Variants in MAP3K5 observed in about 807,000 individuals in gnomAD.
MAP3K5 encodes mitogen-activated protein kinase kinase kinase 5, also known as ASK-1.
In MAP3K5, 56 loss-of-function variants were observed where a neutral mutation model predicts 158.7. The observed-to-expected ratio is 0.35, with a 90% confidence interval of 0.28 to 0.44. The LOEUF (loss-of-function observed/expected upper bound fraction) is 0.44. Among genes scored for constraint, MAP3K5 ranks in the 20% least tolerant of loss-of-function variants. The pLI is 1.00. For missense variants in MAP3K5, 1,294 were observed against 1,674.8 expected, an observed-to-expected ratio of 0.77 and a Z score of 3.97; for synonymous variants, 579 against 601.7, an observed-to-expected ratio of 0.96 and a Z score of 0.55.
At chr6:136,710,148 T>C (rs1781248128) in intron 2 of MAP3K5, among the ~76,000 whole-genome samples, 1 of 152,190 alleles carries the variant, frequency 6.6e-6, no homozygotes, top group East Asian at 1.9e-4. Flanking sequence ...AATAAGACCT[T>C]GAAAGGTATC....
At chr6:136,587,320 T>C (rs757866846) in intron 23 of MAP3K5, among the ~76,000 whole-genome samples, 2 of 152,172 alleles carry the variant, frequency 1.3e-5, no homozygotes, top group Non-Finnish European at 2.9e-5. Context: ...ATTAAAGATA[T>C]TAGATAACTA....
intron 8 of MAP3K5, among the ~76,000 whole-genome samples, chr6:136,662,133 G>A (rs1384205800): frequency 1.3e-5 from 2 of 152,150 alleles, no homozygotes; most frequent in South Asian, 2.1e-4. Context: ...AGTTCTAAAC[G>A]TGGATTTGTT....
In MAP3K5 at chr6:136,791,732, C is replaced by T. The variant is rs1359366199; in HGVS notation, c.426G>A (p.Val142=). ...CACCTGCATTGTAAAAGCGGTCCAG[C>T]ACGGTGGTTTCTCCAAAGTCGAGTT... The part of the protein sequence containing the change: ...FGKLDFGETT[V]LDRFYNADIA... The change falls in exon 1 of 30, where the codon GTG becomes GTA. Residue 142 remains valine (V), a synonymous_variant. Transcript: ENST00000359015. 4 of 1,613,210 alleles carry T rather than the reference C, an allele frequency of 2.5e-6. No homozygotes were observed. Among genetic ancestry groups the T allele is most frequent in the East Asian group, 4.5e-5 (2 of 44,880 alleles).
intron 3 of MAP3K5, 107 bp from the exon 4 acceptor site, chr6:136,698,789 T>C (rs561236364): frequency 4.1e-6 from 3 of 731,094 alleles, no homozygotes; most frequent in East Asian, 2.7e-5. Context: ...CAAAGGGAAA[T>C]AGAAAAGCCT....
intron 1 of MAP3K5, among the ~76,000 whole-genome samples, chr6:136,772,965 C>T (rs1200148628): frequency 6.6e-6 from 1 of 152,122 alleles, no homozygotes; most frequent in Non-Finnish European, 1.5e-5. Context: ...TGGGTTCAAG[C>T]CAGTCAAGAA....
At chr6:136,752,898 C>G (rs1055938180) in intron 1 of MAP3K5, among the ~76,000 whole-genome samples, 10 of 152,218 alleles carry the variant, frequency 6.6e-5, no homozygotes, top group African/African-American at 2.2e-4. Flanking sequence ...AAGGCAGACT[C>G]TGCTCCCTCT....
intron 11 of MAP3K5, among the ~76,000 whole-genome samples, chr6:136,642,770 G>A (rs1778045621): frequency 6.6e-6 from 1 of 152,062 alleles, no homozygotes; most frequent in Non-Finnish European, 1.5e-5. Context: ...AATAATTCCT[G>A]TACTTCAATA....
At chr6:136,643,574 A>T (rs1285194986) in intron 11 of MAP3K5, among the ~76,000 whole-genome samples, 1 of 152,196 alleles carries the variant, frequency 6.6e-6, no homozygotes, top group Non-Finnish European at 1.5e-5. Flanking sequence ...GGCTAAAGCA[A>T]CTCAAAAGCG....
intron 7 of MAP3K5, among the ~76,000 whole-genome samples, chr6:136,670,402 T>G (rs1395645082): frequency 1.3e-5 from 2 of 151,748 alleles, no homozygotes; most frequent in Non-Finnish European, 2.9e-5. Flanking sequence ...GCATGAAAAA[T>G]GAAACTTTTA....
At chr6:136,628,473 G>A (rs115089272) in intron 14 of MAP3K5, among the ~76,000 whole-genome samples, 1,671 of 151,922 alleles carry the variant, frequency 0.011, 32 homozygotes, top group African/African-American at 0.039. Context: ...AAAGTCCTGG[G>A]CTCAAGTGAT....
chr6:136,605,110 T>C (rs1024839017), intron 19 of MAP3K5, 99 bp downstream of exon 19: 86 of 1,230,664 alleles, frequency 7.0e-5, no homozygotes, highest in Non-Finnish European at 9.3e-5. Flanking sequence ...TGTGTTTACT[T>C]AGCACCCTTT....
Position 136,751,811 on chromosome 6 carries a change from G to A in MAP3K5, c.449-31222C>T, listed in dbSNP as rs1028204853. ...GAAGCCACCAAACATGTAAAATATCGAAAACACATGAACTTAAAAGAACGA... is the reference window on the plus strand; with the variant it reads ...GAAGCCACCAAACATGTAAAATATCAAAAACACATGAACTTAAAAGAACGA... On this transcript the variant is annotated intron_variant, in intron 1 of 29. Coordinates refer to ENST00000359015, the MANE Select transcript of MAP3K5 (RefSeq NM_005923.4). 8.5e-5 allele frequency among the ~76,000 whole-genome samples: 13 copies of A among 152,200 alleles called. No individual in the cohort carries two copies. The South Asian group carries it at 1.0e-3, about 12-fold the overall frequency.
chr6:136,741,635 C>A (rs1782712993), intron 1 of MAP3K5, among the ~76,000 whole-genome samples: 1 of 151,722 alleles, frequency 6.6e-6, no homozygotes, highest in Admixed American at 6.6e-5. Context: ...CTGGAAATCC[C>A]AGCTAATGAA....
chr6:136,642,033 AAT>A (rs1175940138), intron 12 of MAP3K5, among the ~76,000 whole-genome samples: 1 of 96,608 alleles, frequency 1.0e-5, no homozygotes, highest in African/African-American at 4.5e-5. Flanking sequence ...ATAAAATAAA[AAT>A]AAAATAAAAT....
Position 136,720,546 on chromosome 6 carries a change from G to C in MAP3K5, c.492C>G (p.Ser164=). 1 of 1,613,130 alleles carries C rather than the reference G, an allele frequency of 6.2e-7. No homozygotes were observed. Among genetic ancestry groups the C allele is most frequent in the East Asian group, 2.2e-5 (1 of 44,786 alleles). The change falls in exon 2 of 30, where the codon TCC becomes TCG. Residue 164 remains serine, a synonymous_variant. Coordinates refer to ENST00000359015, the MANE Select transcript of MAP3K5 (RefSeq NM_005923.4). ...CTCTCACCCCAAGGTGGTAAAACAA[G>C]GACGGCTGCCGGAAGGCATCGCTCA... The part of the protein sequence containing the change: ...VEMSDAFRQP[S]LFYHLGVRES...
At chr6:136,755,778 G>A (rs772607983) in intron 1 of MAP3K5, among the ~76,000 whole-genome samples, 17 of 151,514 alleles carry the variant, frequency 1.1e-4, no homozygotes, top group Non-Finnish European at 1.9e-4. Context: ...CAGGCTAACC[G>A]TAACCATACA....
chr6:136,694,257 A>C lies in MAP3K5; in HGVS notation c.1136T>G (p.Val379Gly), dbSNP rs758974642. The change falls in exon 7 of 30, where the codon GTG becomes GGG. Residue 379 changes from valine to glycine, a missense_variant. Transcript: ENST00000359015. ...TGAAGCAACTTGTCCTTCGCTTTGC[A>C]CCATGGGAATCATAATATCAAGAGC... is the stretch of plus-strand genomic sequence containing the variant. ...AKALDIMIPM[V>G]QSEGQVASDM... The C allele has an allele frequency of 2.5e-6, 4 of 1,613,422 alleles. No homozygotes were observed. The highest frequency in any genetic ancestry group is 3.4e-6 in the Non-Finnish European group (4 of 1,179,944).
At chr6:136,783,037 C>A (rs1271925974) in intron 1 of MAP3K5, among the ~76,000 whole-genome samples, 1 of 152,208 alleles carries the variant, frequency 6.6e-6, no homozygotes, top group Non-Finnish European at 1.5e-5. Context: ...GGCGCAGTGG[C>A]CCACGCCTGT....
rs779638038 is a variant in MAP3K5, at chr6:136,656,259, G to A, written c.1680+48C>T. ...CACTGATACAATCACAGTACAAGAT[G>A]TTCTTTAAATAAAGAAATGTACTTA... On this transcript the variant is annotated intron_variant, in intron 10 of 29. Transcript: ENST00000359015. 3.2e-6 allele frequency: 5 copies of A among 1,542,978 alleles called. No individual in the cohort carries two copies. In the South Asian group the frequency reaches 4.5e-5, roughly 14 times the overall value.
Sources: gnomAD v4.1 joint callset for allele counts (sites outside exome capture counted in the v4.1 genomes callset) on GRCh38, gnomAD v4.1.1 for gene constraint, MANE v1.5 for transcripts, NCBI Gene and HGNC (gene_info 2026-07-23, HGNC 2026-07-21) for gene names.